Variants in GMDS observed in about 807,000 individuals in gnomAD.
GMDS encodes GDP-mannose 4,6-dehydratase, also known as GDP-mannose 4,6 dehydratase.
Under a neutral mutation model 49.9 loss-of-function variants are expected in GMDS, and 20 were observed. The observed-to-expected ratio is 0.40, with a 90% CI of 0.28 to 0.58. GMDS has a LOEUF of 0.58. GMDS is among the 20% of genes least tolerant of loss of function. GMDS has a pLI of 0.42. For missense variants in GMDS, 362 were observed against 481.4 expected, an observed-to-expected ratio of 0.75 and a Z score of 2.32; for synonymous variants, 177 against 178.6, an observed-to-expected ratio of 0.99 and a Z score of 0.07.
intron 1 of GMDS, among the ~76,000 whole-genome samples, chr6:2,136,482 C>A (rs988126072): frequency 1.3e-5 from 2 of 152,174 alleles, no homozygotes; most frequent in East Asian, 1.9e-4. Flanking sequence ...TTTGGGAAGC[C>A]AAACCAAAGC....
intron 9 of GMDS, among the ~76,000 whole-genome samples, chr6:1,649,657 G>T (rs1316137950): frequency 6.6e-6 from 1 of 152,182 alleles, no homozygotes; most frequent in African/African-American, 2.4e-5. Flanking sequence ...GCAGGCCAAA[G>T]GGCATCTTTT....
intron 7 of GMDS, among the ~76,000 whole-genome samples, chr6:1,897,803 T>C (rs1033536420): frequency 6.6e-6 from 1 of 152,236 alleles, no homozygotes; most frequent in Non-Finnish European, 1.5e-5. Flanking sequence ...CAACCTCTTT[T>C]CATCCCTCGA....
intron 1 of GMDS, among the ~76,000 whole-genome samples, chr6:2,232,077 CAT>C (rs2127595845): frequency 6.6e-6 from 1 of 151,884 alleles, no homozygotes; most frequent in East Asian, 1.9e-4. Flanking sequence ...AAGTAGTTCA[CAT>C]AGTCAAAAGT....
intron 1 of GMDS, among the ~76,000 whole-genome samples, chr6:2,189,508 C>G (rs1052381738): frequency 6.6e-6 from 1 of 152,156 alleles, no homozygotes; most frequent in Admixed American, 6.5e-5. Context: ...AAGTCCCACC[C>G]TAAGAAATCC....
chr6:2,207,362 CT>C (rs1411165534), intron 1 of GMDS, among the ~76,000 whole-genome samples: 17 of 151,956 alleles, frequency 1.1e-4, no homozygotes, highest in African/African-American at 3.6e-4. Flanking sequence ...AGCACTGTCA[CT>C]TATGTTCATT....
chr6:2,053,931 A>G (rs1186310485), intron 4 of GMDS, among the ~76,000 whole-genome samples: 1 of 152,160 alleles, frequency 6.6e-6, no homozygotes, highest in African/African-American at 2.4e-5. Context: ...ACACAATTAT[A>G]TAACACAAGA....
At chr6:2,026,861 T>C (rs1768632918) in intron 4 of GMDS, among the ~76,000 whole-genome samples, 1 of 152,204 alleles carries the variant, frequency 6.6e-6, no homozygotes, top group Non-Finnish European at 1.5e-5. Flanking sequence ...CATTAGTTTA[T>C]TGAATATTGC....
intron 7 of GMDS, among the ~76,000 whole-genome samples, chr6:1,828,761 A>G (rs547202359): frequency 3.7e-4 from 56 of 152,204 alleles, no homozygotes; most frequent in Non-Finnish European, 6.9e-4. Context: ...TTACCACTAT[A>G]CCTCTCCTAC....
rs1229471670 is a variant in GMDS at position 1,930,219 on chromosome 6, C to T, written c.655G>A (p.Val219Ile). 6 of 1,612,256 alleles carry T rather than the reference C, an allele frequency of 3.7e-6. No homozygotes were observed. The highest frequency in any genetic ancestry group is 1.7e-5 in the Admixed American group (1 of 59,880). ...ACTGACCGGCTAATTTTTCGAGTAA[C>T]GAAATTAGCTCCTAAAAAGAGGCAA... ...HESPRRGANFVTRKISRSVAK... is the reference protein window; with the variant it reads ...HESPRRGANFITRKISRSVAK... Residue 219 changes from valine to isoleucine, a missense_variant, in exon 7 of 11, where the codon GTT becomes ATT. Val to Ile is a conservative substitution (Grantham distance 29). Transcript: ENST00000380815.
intron 1 of GMDS, among the ~76,000 whole-genome samples, chr6:2,215,534 C>T (rs1436566791): frequency 3.2e-5 from 3 of 94,378 alleles, no homozygotes; most frequent in African/African-American, 1.7e-4. Context: ...TCCCACAACA[C>T]GTGGGAGTAA....
chr6:1,973,600 A>T (rs1055279137), intron 4 of GMDS, among the ~76,000 whole-genome samples: 1 of 152,212 alleles, frequency 6.6e-6, no homozygotes, highest in African/African-American at 2.4e-5. Context: ...AAGTCACTTC[A>T]GCTGCATATA....
At chr6:2,048,313 T>C (rs1770150416) in intron 4 of GMDS, among the ~76,000 whole-genome samples, 1 of 152,264 alleles carries the variant, frequency 6.6e-6, no homozygotes, top group South Asian at 2.1e-4. Flanking sequence ...ATTTTTTCCA[T>C]ATGGCCAGCA....
chr6:1,918,794 T>C (rs1447712003), intron 7 of GMDS, among the ~76,000 whole-genome samples: 2 of 152,122 alleles, frequency 1.3e-5, no homozygotes, highest in Non-Finnish European at 2.9e-5. Flanking sequence ...AGGAATAAAG[T>C]CTAATAATAG....
At chr6:2,008,690 T>C (rs1767356541) in intron 4 of GMDS, among the ~76,000 whole-genome samples, 1 of 152,214 alleles carries the variant, frequency 6.6e-6, no homozygotes. Context: ...CTGTAGAAAA[T>C]GACTCATTTA....
chr6:2,230,284 G>A (rs897455128), intron 1 of GMDS, among the ~76,000 whole-genome samples: 1 of 152,106 alleles, frequency 6.6e-6, no homozygotes, highest in South Asian at 2.1e-4. Context: ...TATTAGCTAC[G>A]TATATTTACA....
intron 9 of GMDS, among the ~76,000 whole-genome samples, chr6:1,676,149 G>C (rs1411695744): frequency 6.6e-6 from 1 of 152,124 alleles, no homozygotes; most frequent in Non-Finnish European, 1.5e-5. Flanking sequence ...CAGACAAACA[G>C]AGAGCCAAAT....
intron 7 of GMDS, among the ~76,000 whole-genome samples, chr6:1,881,254 A>T (rs190463941): frequency 3.6e-4 from 55 of 152,340 alleles, no homozygotes; most frequent in Non-Finnish European, 6.5e-4. Context: ...TGGAATGTAT[A>T]CTGAGAACAT....
At chr6:2,019,640 G>T (rs1284663674) in intron 4 of GMDS, among the ~76,000 whole-genome samples, 2 of 152,030 alleles carry the variant, frequency 1.3e-5, no homozygotes, top group African/African-American at 4.8e-5. Context: ...AGTAGAGACG[G>T]AGTTTCACCA....
chr6:1,890,008 T>C (rs945823284), intron 7 of GMDS, among the ~76,000 whole-genome samples: 1 of 152,212 alleles, frequency 6.6e-6, no homozygotes, highest in Non-Finnish European at 1.5e-5. Context: ...CATTTATGAA[T>C]TAATGGACAT....
Sources: gnomAD v4.1 joint callset for allele counts (sites outside exome capture counted in the v4.1 genomes callset) on GRCh38, gnomAD v4.1.1 for gene constraint, MANE v1.5 for transcripts, NCBI Gene and HGNC (gene_info 2026-07-23, HGNC 2026-07-21) for gene names.